Variants in PRSS12 observed in about 807,000 individuals in gnomAD.
PRSS12 encodes serine protease 12, also known as neurotrypsin.
Under a neutral mutation model 104.4 loss-of-function variants are expected in PRSS12, and 85 were observed. The ratio of observed to expected loss-of-function variants is 0.81; its 90% CI spans 0.68 to 0.98. The LOEUF (loss-of-function observed/expected upper bound fraction) is 0.98, where lower values mean the gene tolerates loss of function less well. Ranked by LOEUF, PRSS12 falls within the 50% of genes least tolerant of loss-of-function variation. The pLI is 0.00. For synonymous variants in PRSS12, 454 were observed against 425.2 expected, an observed-to-expected ratio of 1.07 and a Z score of -0.83; for missense variants, 1,141 against 1,139.2, an observed-to-expected ratio of 1.00 and a Z score of -0.02.
At chr4:118,283,585 G>C (rs1199327670) in intron 11 of PRSS12, among the ~76,000 whole-genome samples, 1 of 152,162 alleles carries the variant, frequency 6.6e-6, no homozygotes, top group Admixed American at 6.5e-5. Context: ...CCTCTAAAGT[G>C]AATGCAAACC....
At chr4:118,322,136 T>G (rs1486148439) in intron 4 of PRSS12, among the ~76,000 whole-genome samples, 7 of 151,928 alleles carry the variant, frequency 4.6e-5, no homozygotes, top group African/African-American at 1.7e-4. Flanking sequence ...TAGAAAAATA[T>G]GTTTTAAATC....
intron 4 of PRSS12, 55 bp from the exon 5 acceptor site, chr4:118,318,611 T>G (rs1723518345): frequency 6.4e-7 from 1 of 1,553,968 alleles, no homozygotes; most frequent in South Asian, 1.2e-5. Context: ...GATTGGTCTT[T>G]TATTTTTTTT....
intron 6 of PRSS12, 27 bp from the exon 7 acceptor site, chr4:118,313,424 A>G (rs755763874): frequency 1.2e-6 from 2 of 1,609,658 alleles, no homozygotes; most frequent in Non-Finnish European, 1.7e-6. Flanking sequence ...AACACTGTGT[A>G]TAGAACTTCT....
In PRSS12 at chr4:118,280,213, G is replaced by C. The variant is rs1435616792; in HGVS notation, c.*1723C>G. On this transcript the variant is annotated 3_prime_UTR_variant, in exon 13 of 13. Transcript: ENST00000296498. The stretch of plus-strand genomic sequence containing the variant: ...AGGTTTGCTAGTCCCTGATCTACTT[G>C]AAACAGATGTTGCTTGCCCCAACAC... The C allele has an allele frequency of 2.0e-5, 3 of 152,222 alleles. No individual in the cohort carries two copies. Among genetic ancestry groups the C allele is most frequent in the Non-Finnish European group, 4.4e-5 (3 of 68,038 alleles). The allele number at this position is 152,222 out of a possible 1,614,324, so 9.4% of individuals were successfully genotyped here. A position where few individuals can be genotyped will look rare whatever the true frequency, so the allele number is the denominator to read the frequency against.
At chr4:118,349,913 G>C (rs1724450138) in intron 1 of PRSS12, among the ~76,000 whole-genome samples, 1 of 152,140 alleles carries the variant, frequency 6.6e-6, no homozygotes, top group Non-Finnish European at 1.5e-5. Flanking sequence ...TGAGGCAGGA[G>C]AATCGCTTGA....
intron 11 of PRSS12, among the ~76,000 whole-genome samples, chr4:118,289,298 G>T (rs1209808379): frequency 6.6e-6 from 1 of 152,124 alleles, no homozygotes; most frequent in Non-Finnish European, 1.5e-5. Flanking sequence ...TCCAGAAATG[G>T]CTGGTCAAGA....
At chr4:118,333,130 C>T (rs1224638236) in intron 3 of PRSS12, among the ~76,000 whole-genome samples, 6 of 152,098 alleles carry the variant, frequency 3.9e-5, no homozygotes, top group Non-Finnish European at 7.4e-5. Context: ...GTTCAGGCCA[C>T]TTGAACATTA....
At chr4:118,304,785 C>T (rs705837) in intron 8 of PRSS12, among the ~76,000 whole-genome samples, 43,741 of 151,724 alleles carry the variant, frequency 0.29, 8,012 homozygotes, top group Middle Eastern at 0.43. Flanking sequence ...ACTTTCTGTT[C>T]ACTTTAAGCA....
intron 7 of PRSS12, among the ~76,000 whole-genome samples, chr4:118,308,963 C>T (rs887967610): frequency 6.6e-6 from 1 of 152,014 alleles, no homozygotes; most frequent in African/African-American, 2.4e-5. Flanking sequence ...GTTCATTTAT[C>T]CATGAACAGA....
At position 118,352,974 on chromosome 4, in the gene PRSS12, G is replaced by C; in HGVS notation, c.-254C>G. On this transcript the variant is annotated 5_prime_UTR_variant, in exon 1 of 13. Coordinates refer to ENST00000296498, the MANE Select transcript of PRSS12 (RefSeq NM_003619.4). ...TCAGCCGAGCCCCGGCCGGCGGAGA[G>C]GACCGGAAAAGAGAAGGCGCGGACG... The C allele has an allele frequency of 1.0e-6, 1 of 981,570 alleles. No homozygotes were observed. Among genetic ancestry groups the C allele is most frequent in the Non-Finnish European group, 1.4e-6 (1 of 728,764 alleles). 60.8% of individuals were successfully genotyped at this position (981,570 alleles called of 1,614,324 possible).
rs767380650 is a variant in PRSS12, at chr4:118,318,435, C to T, written c.1093G>A (p.Gly365Arg). 6.2e-7 allele frequency: 1 copy of T among 1,614,060 alleles called. No individual in the cohort carries two copies. Among genetic ancestry groups the T allele is most frequent in the Admixed American group, 1.7e-5 (1 of 60,004 alleles). The stretch of plus-strand genomic sequence containing the variant: ...TCTTTATGGCCACAGTTATGCTCTC[C>T]CCAGGAGCTCTTTGGACACTGCTCA... Reference protein sequence around the residue: ...SIEQCPKSSWGEHNCGHKEDA... With the variant: ...SIEQCPKSSWREHNCGHKEDA... The change falls in exon 5 of 13, where the codon GGA becomes AGA. Residue 365 changes from glycine to arginine, a missense_variant. Coordinates refer to ENST00000296498, the MANE Select transcript of PRSS12 (RefSeq NM_003619.4).
At position 118,347,801 on chromosome 4, in the gene PRSS12, G is replaced by A. The variant is rs529402882; in HGVS notation, c.502+4418C>T. Among the ~76,000 whole-genome samples, 370 of 152,278 alleles carry A rather than the reference G, an allele frequency of 2.4e-3. 1 individual carries two copies. Among genetic ancestry groups the A allele is most frequent in the Non-Finnish European group, 2.9e-3 (195 of 68,014 alleles). ...TCTCCTGGCCTCAAGTGATCCCCTT[G>A]CCCCAGCCTCCTAAAGTGCTGCGAT... On this transcript the variant is annotated intron_variant, in intron 1 of 12. Transcript: ENST00000296498.
intron 9 of PRSS12, among the ~76,000 whole-genome samples, chr4:118,297,600 CT>C (rs1351790549): frequency 4.6e-5 from 7 of 151,856 alleles, no homozygotes; most frequent in Non-Finnish European, 8.8e-5. Flanking sequence ...TCAGAAGCCC[CT>C]CAGACAGCAA....
Position 118,298,951 on chromosome 4 carries a change from C to T in PRSS12, c.1632-13G>A, listed in dbSNP as rs770550936. ...TCTGGCAGGACCCCTGAAGACAGAA[C>T]ATTCTTAATCATGTGAAGAATCAGT... is the stretch of plus-strand genomic sequence containing the variant. On this transcript the variant is annotated splice_polypyrimidine_tract_variant and intron_variant, in intron 8 of 12. Coordinates refer to ENST00000296498, the MANE Select transcript of PRSS12 (RefSeq NM_003619.4). 9 of 1,613,056 alleles carry T rather than the reference C, an allele frequency of 5.6e-6. No individual in the cohort carries two copies. The highest frequency in any genetic ancestry group is 4.5e-5 in the East Asian group (2 of 44,882).
intron 3 of PRSS12, among the ~76,000 whole-genome samples, chr4:118,334,827 G>T (rs1469986200): frequency 6.6e-6 from 1 of 152,166 alleles, no homozygotes; most frequent in Non-Finnish European, 1.5e-5. Flanking sequence ...GTGGCTTCAG[G>T]TTGTGATCAT....
intron 11 of PRSS12, among the ~76,000 whole-genome samples, chr4:118,285,094 T>C (rs1232505566): frequency 1.3e-5 from 2 of 152,190 alleles, no homozygotes; most frequent in Non-Finnish European, 2.9e-5. Flanking sequence ...GCTCAAAAAC[T>C]AAACAGTGCA....
intron 1 of PRSS12, among the ~76,000 whole-genome samples, chr4:118,350,067 CA>C (rs1471809369): frequency 3.3e-5 from 5 of 151,994 alleles, no homozygotes; most frequent in Non-Finnish European, 5.9e-5. Flanking sequence ...ATGTTCAGTC[CA>C]GCATCCAACA....
rs767005194 is a variant in PRSS12, at chr4:118,282,046, C to T, written c.2518G>A (p.Val840Met). The T allele has an allele frequency of 6.2e-7, 1 of 1,614,204 alleles. No homozygotes were observed. Residue 840 changes from valine to methionine, a missense_variant, in exon 13 of 13, where the codon GTG (valine) becomes ATG (methionine). Val to Met is a conservative substitution (Grantham distance 21). Coordinates refer to ENST00000296498, the MANE Select transcript of PRSS12 (RefSeq NM_003619.4). ...TACCCCCAGGAGGTCACCCCATACA[C>T]CACCCAGCTCTCTCCGGGCCGTTCA... ...MCERPGESWVVYGVTSWGYGC... is the reference protein window; with the variant it reads ...MCERPGESWVMYGVTSWGYGC...
rs775316328 is a variant in PRSS12, at chr4:118,294,936, T to C, written c.2039+3A>G. ...TAGGTTGTTTGGGAAGGTGGACACA[T>C]ACCTCTTGAAACAGTGTGCTGCTGT... On this transcript the variant is annotated splice_donor_region_variant and intron_variant, in intron 11 of 12. Transcript: ENST00000296498. 1 of 1,614,034 alleles carries C rather than the reference T, an allele frequency of 6.2e-7. No homozygotes were observed. Among genetic ancestry groups the C allele is most frequent in the Non-Finnish European group, 8.5e-7 (1 of 1,179,960 alleles).
Sources: gnomAD v4.1 joint callset for allele counts (sites outside exome capture counted in the v4.1 genomes callset) on GRCh38, gnomAD v4.1.1 for gene constraint, MANE v1.5 for transcripts, NCBI Gene and HGNC (gene_info 2026-07-23, HGNC 2026-07-21) for gene names.